The following SLC33A2 variants were observed in gnomAD, a reference collection of about 807,000 sequenced individuals.
SLC33A2 encodes solute carrier family 33 member 2.
the SLC33A2 span, chr8:144,509,890 C>A: frequency 6.5e-7 from 1 of 1,548,536 alleles, no homozygotes; most frequent in Non-Finnish European, 8.7e-7. Context: ...GCTGCACCAG[C>A]CCTGCGGCGG....
chr8:144,509,335 T>G, the SLC33A2 span: 1 of 1,463,436 alleles, frequency 6.8e-7, no homozygotes, highest in East Asian at 2.7e-5. Flanking sequence ...TGAGCCGCCA[T>G]GCGCGGGAAG....
chr8:144,509,987 G>C, the SLC33A2 span: 1 of 1,596,136 alleles, frequency 6.3e-7, no homozygotes, highest in Non-Finnish European at 8.5e-7. Flanking sequence ...CCGTGTGGAC[G>C]GCAGGCTTTG....
At chr8:144,510,931 G>A in the SLC33A2 span, 1 of 1,600,782 alleles carries the variant, frequency 6.2e-7, no homozygotes, top group Non-Finnish European at 8.5e-7. Context: ...GGACACAAGA[G>A]AGACCACGGG....
chr8:144,510,009 A>G, the SLC33A2 span: 1 of 1,594,258 alleles, frequency 6.3e-7, no homozygotes, highest in Non-Finnish European at 8.5e-7. Flanking sequence ...GCTCACCTAC[A>G]AGCTGGGTGA....
the SLC33A2 span, chr8:144,509,591 G>T: frequency 2.0e-6 from 3 of 1,537,076 alleles, no homozygotes; most frequent in Non-Finnish European, 1.7e-6. Context: ...TGCTTGCCGG[G>T]CTGCCCCCTC....
the SLC33A2 span, chr8:144,510,962 A>G: frequency 1.3e-6 from 2 of 1,599,348 alleles, no homozygotes; most frequent in Non-Finnish European, 1.7e-6. Context: ...TGTGGGCCTG[A>G]CCTTGACCGT....
the SLC33A2 span, chr8:144,510,472 C>T: frequency 6.2e-7 from 1 of 1,612,856 alleles, no homozygotes; most frequent in Non-Finnish European, 8.5e-7. Context: ...CCATCGCTGG[C>T]TCCTCCCTGG....
the SLC33A2 span, chr8:144,509,941 C>T: frequency 6.3e-7 from 1 of 1,591,016 alleles, no homozygotes; most frequent in Non-Finnish European, 8.5e-7. Flanking sequence ...CCCCACACCG[C>T]GCACCTTCTG....
chr8:144,510,166 G>A, the SLC33A2 span: 1 of 1,274,858 alleles, frequency 7.8e-7, no homozygotes, highest in Non-Finnish European at 1.1e-6. Flanking sequence ...CTCTGCAGCT[G>A]GGCCTTGTGT....
the SLC33A2 span, chr8:144,509,430 G>A: frequency 6.5e-7 from 1 of 1,532,300 alleles, no homozygotes; most frequent in Non-Finnish European, 8.7e-7. Context: ...GCTGCGTGCC[G>A]GCGGCCTCTC....
chr8:144,509,675 G>A, the SLC33A2 span: 2 of 1,557,208 alleles, frequency 1.3e-6, no homozygotes, highest in Non-Finnish European at 1.7e-6. Flanking sequence ...GTGCCGCCAT[G>A]CAGGATGTGG....
the SLC33A2 span, chr8:144,510,021 T>G: frequency 6.3e-7 from 1 of 1,590,952 alleles, no homozygotes; most frequent in South Asian, 1.1e-5. Flanking sequence ...GCTGGGTGAG[T>G]GAGGCCTCGA....
At chr8:144,509,105 C>A in the SLC33A2 span, 4 of 456,472 alleles carry the variant, frequency 8.8e-6, no homozygotes, top group African/African-American at 6.1e-5. Context: ...CGCCGGTGTC[C>A]GGACCGCTCG....
At chr8:144,509,604 G>C in the SLC33A2 span, 2 of 1,549,486 alleles carry the variant, frequency 1.3e-6, no homozygotes, top group Non-Finnish European at 8.7e-7. Context: ...GCCCCCTCCT[G>C]GAGCTGGCCA....
the SLC33A2 span, chr8:144,510,465 T>C: frequency 1.2e-6 from 2 of 1,612,822 alleles, no homozygotes; most frequent in Non-Finnish European, 1.7e-6. Flanking sequence ...GTCTGCTCCA[T>C]CGCTGGCTCC....
At chr8:144,510,836 G>A in the SLC33A2 span, 7 of 1,610,846 alleles carry the variant, frequency 4.3e-6, no homozygotes, top group South Asian at 1.1e-5. Flanking sequence ...TTCTTGGGAG[G>A]CCTGGTCACC....
chr8:144,510,828 C>T, the SLC33A2 span: 1 of 1,611,158 alleles, frequency 6.2e-7, no homozygotes, highest in Non-Finnish European at 8.5e-7. Flanking sequence ...TGCAGCACTT[C>T]TTGGGAGGCC....
the SLC33A2 span, chr8:144,509,386 C>T: frequency 3.9e-6 from 6 of 1,524,432 alleles, no homozygotes; most frequent in Admixed American, 6.0e-5. Flanking sequence ...CAGGGCCTGC[C>T]CTACGGGCTC....
the SLC33A2 span, chr8:144,510,332 C>T: frequency 1.9e-6 from 3 of 1,609,536 alleles, no homozygotes; most frequent in Admixed American, 1.7e-5. Flanking sequence ...TGGAACCTCC[C>T]GTGCTCATGC....
Sources: allele counts gnomAD v4.1 joint callset, GRCh38; gene constraint gnomAD v4.1.1; transcripts MANE v1.5; gene names NCBI Gene and HGNC (gene_info 2026-07-23, HGNC 2026-07-21).